Variants in TKT observed in about 807,000 individuals in gnomAD.
TKT encodes the protein transketolase, also known as epididymis luminal protein 107.
A neutral mutation model predicts 63.9 loss-of-function variants in TKT; 47 were observed. The ratio of observed to expected loss-of-function variants is 0.74; its 90% confidence interval spans 0.58 to 0.94. The LOEUF is 0.94. Among genes scored for constraint, TKT ranks in the 40% least tolerant of loss-of-function variants. The pLI, the probability that TKT is intolerant of heterozygous loss-of-function variation, is 0.00. For missense variants in TKT, 721 were observed against 846.2 expected, an observed-to-expected ratio of 0.85 and a Z score of 1.84; for synonymous variants, 338 against 334.1, an observed-to-expected ratio of 1.01 and a Z score of -0.13.
chr3:53,255,866 G>C lies in TKT; in HGVS notation c.77C>G (p.Ser26Cys). The C allele has an allele frequency of 6.5e-7, 1 of 1,548,680 alleles. No individual in the cohort carries two copies. The change falls in exon 1 of 14, where the codon TCC (serine) becomes TGC (cysteine). Residue 26 changes from serine to cysteine, a missense_variant. Transcript: ENST00000462138. ...KDTANRLRIS[S>C]IQATTAAGSG... is the part of the protein sequence containing the mutation. ...GCCCGCCGCAGTGGTGGCCTGGATG[G>C]AGCTGATACGTAGGCGGTTGGCCGT...
At position 53,255,982 on chromosome 3, in the gene TKT, A is replaced by C. The variant is rs373230013; in HGVS notation, c.-40T>G. The C allele has an allele frequency of 2.6e-4, 363 of 1,399,318 alleles. No homozygotes were observed. The highest frequency in any genetic ancestry group is 3.6e-4 in the South Asian group (25 of 68,828). 86.7% of individuals were successfully genotyped at this position (1,399,318 alleles called of 1,614,324 possible). A position where few individuals can be genotyped will look rare whatever the true frequency, so the allele number is the denominator to read the frequency against. On this transcript the variant is annotated 5_prime_UTR_variant, in exon 1 of 14. Transcript: ENST00000462138. ...GGACCGGGCGCACACGCGGACACAC[A>C]GAGATAGCGGCTGCTCCCGCGGCGA...
At chr3:53,232,636 T>A (rs933936949) in intron 6 of TKT, 4 of 398,028 alleles carry the variant, frequency 1.0e-5, no homozygotes, top group Non-Finnish European at 1.8e-5. Flanking sequence ...GCCTGCCTCA[T>A]TCTCCGGCCT....
chr3:53,237,945 A>C lies in TKT; in HGVS notation c.437+2306T>G, dbSNP rs1454119929. Reference sequence around the variant, plus strand: ...ATCTCAGAAAAAATAAAAATAAAAAAATAAGGAAAACGTTCATTTCTTAAT... The same window carrying C: ...ATCTCAGAAAAAATAAAAATAAAAACATAAGGAAAACGTTCATTTCTTAAT... On this transcript the variant is annotated intron_variant, in intron 4 of 13. Transcript: ENST00000462138. 4.6e-5 allele frequency: 7 copies of C among 152,310 alleles called. No homozygotes were observed. In the East Asian group the frequency reaches 1.2e-3, roughly 25 times the overall value. 9.4% of individuals were successfully genotyped at this position (152,310 alleles called of 1,614,324 possible).
At chr3:53,247,594 C>T (rs575848940) in intron 1 of TKT, among the ~76,000 whole-genome samples, 13 of 140,512 alleles carry the variant, frequency 9.3e-5, no homozygotes, top group South Asian at 7.0e-4. Flanking sequence ...GAGCCGAGAT[C>T]GCACCACTGC....
chr3:53,229,260 A>C lies in TKT; in HGVS notation c.1264+20T>G. 2 of 1,613,818 alleles carry C rather than the reference A, an allele frequency of 1.2e-6. No individual in the cohort carries two copies. The highest frequency in any genetic ancestry group is 1.7e-6 in the Non-Finnish European group (2 of 1,179,850). ...AAAAGTCAAGGGAGCTCCAGGTGTA[A>C]ACACCCTGGCTAAACTCACCGATGG... On this transcript the variant is annotated intron_variant, in intron 9 of 13. Transcript: ENST00000462138.
At chr3:53,235,899 C>A (rs1327180181) in intron 4 of TKT, among the ~76,000 whole-genome samples, 11 of 34,008 alleles carry the variant, frequency 3.2e-4, no homozygotes, top group African/African-American at 6.8e-4. Context: ...TTAAAAAGAA[C>A]ACTGAACTTG....
intron 1 of TKT, among the ~76,000 whole-genome samples, chr3:53,251,746 C>T (rs1705756545): frequency 6.6e-6 from 1 of 152,204 alleles, no homozygotes; most frequent in Middle Eastern, 3.4e-3. Flanking sequence ...GGCAGGATTG[C>T]TATAGCCTAG....
intron 4 of TKT, among the ~76,000 whole-genome samples, chr3:53,235,859 C>G (rs534158772): frequency 6.6e-6 from 1 of 152,262 alleles, no homozygotes; most frequent in Non-Finnish European, 1.5e-5. Flanking sequence ...TCAACACAGG[C>G]AACTGTGATC....
intron 3 of TKT, among the ~76,000 whole-genome samples, chr3:53,240,672 C>G (rs9820968): frequency 0.41 from 62,973 of 152,060 alleles, 13,644 homozygotes; most frequent in African/African-American, 0.49. Flanking sequence ...AGAACATTTG[C>G]CCCTCGTGGG....
intron 1 of TKT, among the ~76,000 whole-genome samples, chr3:53,244,117 C>T (rs1157828645): frequency 2.6e-5 from 4 of 152,210 alleles, no homozygotes; most frequent in African/African-American, 4.8e-5. Context: ...AGAAGTAGAA[C>T]GTGCAGCTGA....
chr3:53,231,697 C>A, intron 6 of TKT, 147 bp from the exon 7 acceptor site: 2 of 794,554 alleles, frequency 2.5e-6, no homozygotes, highest in Non-Finnish European at 2.0e-6. Flanking sequence ...CAGCCAGGCA[C>A]GGGGGCCAGG....
chr3:53,240,691 C>T (rs1705235197), intron 3 of TKT, among the ~76,000 whole-genome samples: 1 of 152,192 alleles, frequency 6.6e-6, no homozygotes, highest in Non-Finnish European at 1.5e-5. Flanking sequence ...GGGACCCAGA[C>T]CATGTGACAG....
At chr3:53,231,629 T>C in intron 6 of TKT, 79 bp from the exon 7 acceptor site, 2 of 1,457,122 alleles carry the variant, frequency 1.4e-6, no homozygotes, top group South Asian at 1.3e-5. Flanking sequence ...TCCAGGAGAC[T>C]GGCCCTCTAC....
At chr3:53,255,337 AGATCT>A (rs1229835141) in intron 1 of TKT, among the ~76,000 whole-genome samples, 1 of 152,132 alleles carries the variant, frequency 6.6e-6, no homozygotes, top group Non-Finnish European at 1.5e-5. Context: ...GGCTCAAATC[AGATCT>A]CCCTGTGTGT....
chr3:53,229,231 G>A (rs781981420), intron 9 of TKT, 49 bp downstream of exon 9: 2 of 1,612,970 alleles, frequency 1.2e-6, no homozygotes, highest in Non-Finnish European at 1.7e-6. Flanking sequence ...ATACCTCCTG[G>A]TGCAAAAGTC....
At chr3:53,239,760 G>A (rs1401339609) in intron 4 of TKT, among the ~76,000 whole-genome samples, 1 of 152,198 alleles carries the variant, frequency 6.6e-6, no homozygotes, top group Admixed American at 6.5e-5. Context: ...CTTCCCTGCT[G>A]ATAGGAGGTG....
rs1250077997 is a variant in TKT, at chr3:53,228,946, C to T, written c.1395+61G>A. On this transcript the variant is annotated intron_variant, in intron 10 of 13. Coordinates refer to ENST00000462138, the MANE Select transcript of TKT (RefSeq NM_001064.4). Reference sequence around the variant, plus strand: ...AGCAAGTGACCAGCTCTGGCCTCCTCTTCTGTTTCCCTTGGGAAGTGATGG... The same window carrying T: ...AGCAAGTGACCAGCTCTGGCCTCCTTTTCTGTTTCCCTTGGGAAGTGATGG... 16 of 1,602,396 alleles carry T rather than the reference C, an allele frequency of 1.0e-5. No homozygotes were observed. The Admixed American group carries it at 1.3e-4, about 14-fold the overall frequency.
chr3:53,235,460 A>G (rs937773919), intron 4 of TKT: 5 of 278,372 alleles, frequency 1.8e-5, no homozygotes, highest in African/African-American at 1.1e-4. Context: ...TCTGGCTAAT[A>G]AGATCTAGAA....
rs782185485 is a variant in TKT at position 53,230,483 on chromosome 3, C to T, written c.1081G>A (p.Glu361Lys). 8.1e-6 allele frequency: 13 copies of T among 1,614,064 alleles called. No homozygotes were observed. Among genetic ancestry groups the T allele is most frequent in the South Asian group, 1.1e-5 (1 of 91,082 alleles). ...ATGTTCTGCTCAGCAATGTAGCACT[C>T]GATGAAGCGGTCCGGGTGCTCCTTT... ...FKKEHPDRFI[E>K]CYIAEQNMVS... Residue 361 changes from glutamate to lysine, a missense_variant, in exon 8 of 14, where the codon GAG (glutamate) becomes AAG (lysine). Glu to Lys is a moderately conservative substitution (Grantham distance 56). Transcript: ENST00000462138.
Sources: gnomAD v4.1 joint callset for allele counts (sites outside exome capture counted in the v4.1 genomes callset) on GRCh38, gnomAD v4.1.1 for gene constraint, MANE v1.5 for transcripts, NCBI Gene and HGNC (gene_info 2026-07-23, HGNC 2026-07-21) for gene names.